FBXL7: variants seen among roughly 807,000 people sequenced by gnomAD.
The protein encoded by FBXL7 is F-box/LRR-repeat protein 7.
A neutral mutation model predicts 38.3 loss-of-function variants in FBXL7; 12 were observed. The observed-to-expected ratio is 0.31, with a 90% CI of 0.20 to 0.51. The LOEUF (loss-of-function observed/expected upper bound fraction) is 0.51. Ranked by LOEUF, FBXL7 falls within the 20% of genes least tolerant of loss-of-function variation. The probability of loss-of-function intolerance (pLI) is 0.98; values close to 1 mark genes in which losing one functional copy is unlikely to be tolerated. For synonymous variants in FBXL7, 297 were observed against 300.9 expected (o/e 0.99, Z 0.13); for missense variants, 567 against 676.4 (o/e 0.84, Z 1.79).
chr5:15,875,900 G>A (rs1001552118), intron 2 of FBXL7, among the ~76,000 whole-genome samples: 4 of 152,120 alleles, frequency 2.6e-5, no homozygotes, highest in Non-Finnish European at 5.9e-5. Context: ...TCCCATTACT[G>A]GGTATATACC....
intron 1 of FBXL7, among the ~76,000 whole-genome samples, chr5:15,603,513 C>T (rs979927295): frequency 3.9e-5 from 6 of 152,190 alleles, no homozygotes; most frequent in African/African-American, 1.4e-4. Context: ...AATTCAGGCC[C>T]AAGCCTTACT....
intron 2 of FBXL7, among the ~76,000 whole-genome samples, chr5:15,852,653 A>G (rs1026518439): frequency 1.3e-5 from 2 of 152,130 alleles, no homozygotes; most frequent in Non-Finnish European, 2.9e-5. Flanking sequence ...TTTACAGTCA[A>G]GGGTAGAATC....
intron 1 of FBXL7, among the ~76,000 whole-genome samples, chr5:15,527,654 T>C (rs1737291004): frequency 6.6e-6 from 1 of 152,234 alleles, no homozygotes; most frequent in African/African-American, 2.4e-5. Context: ...TACCCAGTAA[T>C]AATCACTGTC....
chr5:15,573,621 G>T (rs888931139), intron 1 of FBXL7, among the ~76,000 whole-genome samples: 1 of 152,090 alleles, frequency 6.6e-6, no homozygotes, highest in Non-Finnish European at 1.5e-5. Context: ...GTCTTCCTCA[G>T]GAAAAAAGAT....
At chr5:15,678,741 T>A (rs1173311669) in intron 2 of FBXL7, among the ~76,000 whole-genome samples, 1 of 152,228 alleles carries the variant, frequency 6.6e-6, no homozygotes, top group Non-Finnish European at 1.5e-5. Flanking sequence ...CCCTTTTCTC[T>A]TGACGCTCTC....
chr5:15,809,294 C>T (rs1163929298), intron 2 of FBXL7, among the ~76,000 whole-genome samples: 1 of 152,172 alleles, frequency 6.6e-6, no homozygotes, highest in Non-Finnish European at 1.5e-5. Flanking sequence ...CAGACTCCTT[C>T]AGGGGTTACC....
rs561354455 is a variant in FBXL7 at position 15,619,573 on chromosome 5, G to A, written c.127+3501G>A. Among the ~76,000 whole-genome samples the A allele has an allele frequency of 2.0e-4, 31 of 152,172 alleles. No homozygotes were observed. In the South Asian group the frequency reaches 6.4e-3, roughly 32 times the overall value. ...GGCTTTCCAGTAGCCAGTTGATTAT[G>A]GTTATTTTCTTCAATTCCTTGAGCT... On this transcript the variant is annotated intron_variant, in intron 2 of 3. Coordinates refer to ENST00000504595, the MANE Select transcript of FBXL7 (RefSeq NM_012304.5).
chr5:15,649,922 A>G (rs1387702241), intron 2 of FBXL7, among the ~76,000 whole-genome samples: 2 of 152,312 alleles, frequency 1.3e-5, no homozygotes, highest in African/African-American at 4.8e-5. Context: ...CTTTTCCTAC[A>G]TTATCTAAAT....
chr5:15,504,739 A>C (rs1736597702), intron 1 of FBXL7, among the ~76,000 whole-genome samples: 1 of 152,232 alleles, frequency 6.6e-6, no homozygotes, highest in Non-Finnish European at 1.5e-5. Context: ...CTGGAGAATA[A>C]GTTGGGGTGC....
chr5:15,902,107 T>C (rs1741246966), intron 2 of FBXL7, among the ~76,000 whole-genome samples: 1 of 152,188 alleles, frequency 6.6e-6, no homozygotes. Context: ...ATCTTGTTGC[T>C]CTTAACCTTC....
chr5:15,630,647 G>A (rs1561060175), intron 2 of FBXL7, among the ~76,000 whole-genome samples: 1 of 152,080 alleles, frequency 6.6e-6, no homozygotes, highest in Non-Finnish European at 1.5e-5. Flanking sequence ...TCTGTTTCCT[G>A]GAAACTAGGA....
intron 2 of FBXL7, among the ~76,000 whole-genome samples, chr5:15,855,454 C>T (rs1166479358): frequency 6.6e-6 from 1 of 151,968 alleles, no homozygotes; most frequent in African/African-American, 2.4e-5. Flanking sequence ...CTGGATGGAC[C>T]TACTGTAAAA....
intron 1 of FBXL7, among the ~76,000 whole-genome samples, chr5:15,502,322 G>A (rs1486675419): frequency 6.8e-6 from 1 of 146,446 alleles, no homozygotes; most frequent in African/African-American, 2.6e-5. Flanking sequence ...CAGCATTCTC[G>A]TATTGTGCAG....
intron 1 of FBXL7, among the ~76,000 whole-genome samples, chr5:15,556,086 TCTATCTATCTAC>T (rs1184275074): frequency 9.3e-5 from 14 of 150,894 alleles, no homozygotes; most frequent in African/African-American, 3.4e-4. Flanking sequence ...TTATCTATCA[TCTATCTATCTAC>T]CTATCTATCT....
chr5:15,799,490 G>C (rs530888501), intron 2 of FBXL7, among the ~76,000 whole-genome samples: 1 of 150,920 alleles, frequency 6.6e-6, no homozygotes, highest in Non-Finnish European at 1.5e-5. Context: ...AGCCTCCCGA[G>C]TAGCTGGGAT....
At chr5:15,849,662 A>G (rs1739033496) in intron 2 of FBXL7, among the ~76,000 whole-genome samples, 1 of 152,184 alleles carries the variant, frequency 6.6e-6, no homozygotes, top group Admixed American at 6.5e-5. Context: ...TTTTCTTTAT[A>G]AATTACCCAG....
At chr5:15,567,618 T>A (rs889655224) in intron 1 of FBXL7, among the ~76,000 whole-genome samples, 1 of 151,856 alleles carries the variant, frequency 6.6e-6, no homozygotes, top group East Asian at 1.9e-4. Context: ...TATTATACTT[T>A]AAGTTTTAGG....
intron 1 of FBXL7, among the ~76,000 whole-genome samples, chr5:15,593,656 GAGAT>G (rs1473836949): frequency 1.8e-4 from 27 of 152,230 alleles, no homozygotes; most frequent in African/African-American, 5.3e-4. Context: ...AATAGTTTAA[GAGAT>G]AGACATAAAA....
intron 2 of FBXL7, among the ~76,000 whole-genome samples, chr5:15,671,890 C>A (rs1742488992): frequency 6.6e-6 from 1 of 152,178 alleles, no homozygotes; most frequent in African/African-American, 2.4e-5. Context: ...GAGAAATATA[C>A]AACCTTTGAA....
Sources: allele counts gnomAD v4.1 joint callset (sites outside exome capture counted in the v4.1 genomes callset), GRCh38; gene constraint gnomAD v4.1.1; transcripts MANE v1.5; gene names NCBI Gene and HGNC (gene_info 2026-07-23, HGNC 2026-07-21).